The following GALNTL6 variants were observed in gnomAD, a reference collection of about 807,000 sequenced individuals.
GALNTL6 encodes the protein polypeptide N-acetylgalactosaminyltransferase-like 6.
GALNTL6 carries 46 observed loss-of-function variants against 73.7 expected under a neutral mutation model. That is an observed-to-expected ratio of 0.62 (90% CI 0.49 to 0.80). GALNTL6 has a LOEUF of 0.80. GALNTL6 is among the 30% of genes least tolerant of loss of function. GALNTL6 has a pLI of 0.00. For missense variants in GALNTL6, 604 were observed against 755.0 expected, an observed-to-expected ratio of 0.80 and a Z score of 2.34; for synonymous variants, 259 against 263.7, an observed-to-expected ratio of 0.98 and a Z score of 0.17.
At chr4:172,794,538 T>A (rs1740162931) in intron 5 of GALNTL6, among the ~76,000 whole-genome samples, 1 of 152,236 alleles carries the variant, frequency 6.6e-6, no homozygotes, top group African/African-American at 2.4e-5. Context: ...CTCCATTCCC[T>A]GGAGAAGAGG....
At chr4:171,889,724 C>T (rs6553598) in intron 2 of GALNTL6, among the ~76,000 whole-genome samples, 82,091 of 151,782 alleles carry the variant, frequency 0.54, 23,671 homozygotes, top group African/African-American at 0.76. Context: ...TTTCTTGTAA[C>T]ATAGATGCAA....
chr4:172,398,219 G>A (rs1321239969), intron 5 of GALNTL6, among the ~76,000 whole-genome samples: 1 of 152,130 alleles, frequency 6.6e-6, no homozygotes, highest in African/African-American at 2.4e-5. Context: ...TATGATAATG[G>A]AACAGGAACA....
chr4:172,561,221 C>A (rs962785895), intron 5 of GALNTL6, among the ~76,000 whole-genome samples: 1 of 143,752 alleles, frequency 7.0e-6, no homozygotes, highest in Non-Finnish European at 1.5e-5. Context: ...CCACTGCAGT[C>A]CGCAGTCCGG....
At chr4:172,312,356 TC>T (rs1236026193) in intron 4 of GALNTL6, among the ~76,000 whole-genome samples, 1 of 152,038 alleles carries the variant, frequency 6.6e-6, no homozygotes, top group African/African-American at 2.4e-5. Context: ...CCCAAATCCA[TC>T]TTTTCTCTAT....
chr4:172,937,165 G>A (rs543847825), intron 9 of GALNTL6, among the ~76,000 whole-genome samples: 94 of 151,988 alleles, frequency 6.2e-4, no homozygotes, highest in Admixed American at 1.3e-3. Context: ...GCCTTGAACA[G>A]GAAGTATCAG....
At chr4:172,075,747 GAGAA>G (rs1416581650) in intron 2 of GALNTL6, among the ~76,000 whole-genome samples, 1 of 151,686 alleles carries the variant, frequency 6.6e-6, no homozygotes, top group Non-Finnish European at 1.5e-5. Flanking sequence ...TGCCAGAAAT[GAGAA>G]AGAGAGAGAG....
At position 172,669,227 on chromosome 4, in the gene GALNTL6, T is replaced by TA. The variant is rs141516553; in HGVS notation, c.554-140134_554-140133insA. ...CCACTGATTTGTGTCCTCTATATCATTTAACCTCTGTTGTCTCATAAATGT... is the reference window on the plus strand; with the variant it reads ...CCACTGATTTGTGTCCTCTATATCATATTAACCTCTGTTGTCTCATAAATGT... On this transcript the variant is annotated intron_variant, in intron 5 of 12. Transcript: ENST00000506823. 7 of 152,322 alleles carry TA rather than the reference T, an allele frequency of 4.6e-5. No homozygotes were observed. The East Asian group carries it at 1.4e-3, about 29-fold the overall frequency. The allele number at this position is 152,322 out of a possible 1,614,324, so 9.4% of individuals were successfully genotyped here.
intron 5 of GALNTL6, among the ~76,000 whole-genome samples, chr4:172,443,956 T>G (rs997185882): frequency 1.3e-5 from 2 of 152,154 alleles, no homozygotes; most frequent in Non-Finnish European, 2.9e-5. Flanking sequence ...CATAATTGAA[T>G]TTTAGATAAA....
intron 2 of GALNTL6, among the ~76,000 whole-genome samples, chr4:172,148,577 A>T (rs1311285176): frequency 6.6e-6 from 1 of 152,218 alleles, no homozygotes; most frequent in Non-Finnish European, 1.5e-5. Flanking sequence ...ATAACCTAGT[A>T]TGTCAACTAT....
chr4:172,802,945 G>T (rs770293701), intron 5 of GALNTL6, among the ~76,000 whole-genome samples: 32 of 152,332 alleles, frequency 2.1e-4, no homozygotes, highest in Admixed American at 5.2e-4. Context: ...AGAAGTTAAT[G>T]ACTTACGTTT....
chr4:172,053,521 G>T (rs1730937766), intron 2 of GALNTL6, among the ~76,000 whole-genome samples: 1 of 152,084 alleles, frequency 6.6e-6, no homozygotes, highest in African/African-American at 2.4e-5. Flanking sequence ...TTTTCTAAAG[G>T]GACTGCTGAA....
At chr4:171,960,578 C>A (rs1234439026) in intron 2 of GALNTL6, among the ~76,000 whole-genome samples, 1 of 151,378 alleles carries the variant, frequency 6.6e-6, no homozygotes, top group Non-Finnish European at 1.5e-5. Context: ...CCACGCCCTG[C>A]CAGGATAGCT....
chr4:172,787,175 A>C (rs1252007547), intron 5 of GALNTL6, among the ~76,000 whole-genome samples: 1 of 152,232 alleles, frequency 6.6e-6, no homozygotes, highest in Non-Finnish European at 1.5e-5. Context: ...GAAAGTGGTC[A>C]AGGTGGGGAG....
chr4:172,546,806 A>ATACGTATATAAGTATATATATG (rs1554034205), intron 5 of GALNTL6, among the ~76,000 whole-genome samples: 1 of 99,092 alleles, frequency 1.0e-5, no homozygotes, highest in East Asian at 2.7e-4. Flanking sequence ...ACGTATATAT[A>ATACGTATATAAGTATATATATG]CGTATATATA....
At chr4:171,865,526 T>C (rs1403753728) in intron 2 of GALNTL6, among the ~76,000 whole-genome samples, 1 of 152,194 alleles carries the variant, frequency 6.6e-6, no homozygotes, top group Non-Finnish European at 1.5e-5. Flanking sequence ...TGCTAAATGA[T>C]TTTTTTAGAG....
intron 3 of GALNTL6, among the ~76,000 whole-genome samples, chr4:172,282,232 A>G (rs368061141): frequency 4.5e-4 from 68 of 152,272 alleles, no homozygotes; most frequent in African/African-American, 1.6e-3. Flanking sequence ...TTTAAGCAAG[A>G]CTTTCCCTAA....
At chr4:172,125,134 ATG>A (rs1733259892) in intron 2 of GALNTL6, among the ~76,000 whole-genome samples, 1 of 152,184 alleles carries the variant, frequency 6.6e-6, no homozygotes, top group Non-Finnish European at 1.5e-5. Context: ...ACAAAAGGCA[ATG>A]ATGTATGACC....
intron 7 of GALNTL6, among the ~76,000 whole-genome samples, chr4:172,873,098 C>T (rs1015028591): frequency 3.3e-5 from 5 of 152,176 alleles, no homozygotes; most frequent in African/African-American, 1.2e-4. Context: ...AAATTATTAA[C>T]CCAAGATTCA....
rs779482222 is a variant in GALNTL6 at position 172,809,554 on chromosome 4, C to T, written c.739+8C>T. On this transcript the variant is annotated splice_region_variant and intron_variant, in intron 6 of 12. Coordinates refer to ENST00000506823, the MANE Select transcript of GALNTL6 (RefSeq NM_001034845.3). This position sits in a 1 kb window ranked among gnomAD's most constrained non-coding sequence, Gnocchi z 4.4. ...GGCTGCCCCCACTCCTCAGTGAGTA[C>T]AGGTTGCTAAGCACCATCCTGGGAT... 6.2e-7 allele frequency: 1 copy of T among 1,603,200 alleles called. No individual in the cohort carries two copies.
Sources: allele counts gnomAD v4.1 joint callset (sites outside exome capture counted in the v4.1 genomes callset), GRCh38; gene constraint gnomAD v4.1.1; non-coding constraint Gnocchi (gnomAD v3.1); transcripts MANE v1.5; gene names NCBI Gene and HGNC (gene_info 2026-07-23, HGNC 2026-07-21).